The following AHCY variants were observed in gnomAD, a reference collection of about 807,000 sequenced individuals.
The protein encoded by AHCY is adenosylhomocysteinase.
Under a neutral mutation model 45.4 loss-of-function variants are expected in AHCY, and 24 were observed. The observed-to-expected ratio is 0.53, with a 90% CI of 0.38 to 0.74. The LOEUF is 0.74. Ranked by LOEUF, AHCY falls within the 30% of genes least tolerant of loss-of-function variation. The probability of loss-of-function intolerance (pLI) is 0.00; values close to 1 mark genes in which losing one functional copy is unlikely to be tolerated. For synonymous variants in AHCY, 245 were observed against 235.1 expected, an observed-to-expected ratio of 1.04 and a Z score of -0.39; for missense variants, 449 against 594.1, an observed-to-expected ratio of 0.76 and a Z score of 2.54.
downstream of AHCY, among the ~76,000 whole-genome samples, chr20:34,276,287 G>A (rs1410881702): frequency 6.6e-6 from 1 of 152,128 alleles, no homozygotes; most frequent in South Asian, 2.1e-4. Flanking sequence ...CCCTCCAGGT[G>A]TTTCTGAGGT....
At chr20:34,299,754 C>A (rs2036708064) in intron 1 of AHCY, among the ~76,000 whole-genome samples, 1 of 152,234 alleles carries the variant, frequency 6.6e-6, no homozygotes, top group Non-Finnish European at 1.5e-5. Flanking sequence ...AATGAAACCA[C>A]CATTCAACCA....
chr20:34,305,627 GA>G (rs2036888021), upstream of AHCY, among the ~76,000 whole-genome samples: 1 of 152,136 alleles, frequency 6.6e-6, no homozygotes, highest in South Asian at 2.1e-4. Context: ...TTCCTGCAAA[GA>G]AATGGCAAGT....
the AHCY span, chr20:34,269,083 C>G: frequency 6.3e-7 from 1 of 1,581,472 alleles, no homozygotes; most frequent in Non-Finnish European, 8.6e-7. Context: ...CGCCGGCACC[C>G]GCCTGCTGCG....
the AHCY span, chr20:34,234,790 G>C: frequency 2.0e-5 from 3 of 152,330 alleles, no homozygotes; most frequent in Admixed American, 6.5e-5. Context: ...CTCCAGCCTG[G>C]GTGACAGAGC....
At chr20:34,294,777 G>A (rs2036517395) in intron 2 of AHCY, among the ~76,000 whole-genome samples, 1 of 152,156 alleles carries the variant, frequency 6.6e-6, no homozygotes, top group African/African-American at 2.4e-5. Context: ...TTGAGTTCCA[G>A]GAGAAGTCCA....
the AHCY span, chr20:34,268,973 C>A: frequency 5.7e-6 from 9 of 1,590,510 alleles, no homozygotes; most frequent in South Asian, 1.0e-4. Flanking sequence ...TCATAAAGCC[C>A]CGGCGTTTCC....
At chr20:34,295,872 CAT>C (rs2036563504) in intron 1 of AHCY, among the ~76,000 whole-genome samples, 1 of 152,160 alleles carries the variant, frequency 6.6e-6, no homozygotes, top group African/African-American at 2.4e-5. Flanking sequence ...AAATAGCTCA[CAT>C]GATACTTCCC....
At chr20:34,289,008 TTA>T (rs2036278973) in intron 8 of AHCY, among the ~76,000 whole-genome samples, 1 of 152,186 alleles carries the variant, frequency 6.6e-6, no homozygotes, top group Non-Finnish European at 1.5e-5. Flanking sequence ...TTTTTTGTTT[TTA>T]GTTTTGTTTT....
chr20:34,299,797 C>T, intron 1 of AHCY, among the ~76,000 whole-genome samples: 1 of 152,204 alleles, frequency 6.6e-6, no homozygotes, highest in Non-Finnish European at 1.5e-5. Flanking sequence ...GATTTGATTC[C>T]TCTTTTCCTC....
chr20:34,310,852 G>C (rs577730872), intron 1 of AHCY, among the ~76,000 whole-genome samples: 2 of 151,740 alleles, frequency 1.3e-5, no homozygotes, highest in African/African-American at 4.8e-5. Flanking sequence ...ACAGTCGGGC[G>C]TGGTGGCTCA....
chr20:34,274,794 TTTAAA>T, the AHCY span, among the ~76,000 whole-genome samples: 3 of 151,642 alleles, frequency 2.0e-5, no homozygotes, highest in African/African-American at 7.3e-5. Context: ...AAAAAAAAAT[TTTAAA>T]TTAAATTAGC....
chr20:34,260,685 G>A, the AHCY span: 1 of 945,820 alleles, frequency 1.1e-6, no homozygotes, highest in South Asian at 2.2e-5. Flanking sequence ...GGTGGCCCTT[G>A]ACTCATTTGG....
upstream of AHCY, among the ~76,000 whole-genome samples, chr20:34,304,889 T>C (rs1387837057): frequency 6.6e-6 from 1 of 151,768 alleles, no homozygotes; most frequent in Non-Finnish European, 1.5e-5. Context: ...GGTTTCTCCA[T>C]ATTGGTCAGG....
chr20:34,302,996 G>T (rs920653272), intron 1 of AHCY: 1 of 985,338 alleles, frequency 1.0e-6, no homozygotes, highest in African/African-American at 1.7e-5. Context: ...TTTGCGGCTC[G>T]CAGACCGCGC....
At chr20:34,257,872 G>C in the AHCY span, among the ~76,000 whole-genome samples, 1 of 152,096 alleles carries the variant, frequency 6.6e-6, no homozygotes, top group African/African-American at 2.4e-5. Context: ...GGCTGGGTGC[G>C]GTGGCTCACA....
chr20:34,303,167 C>T, intron 1 of AHCY, 76 bp downstream of exon 1: 4 of 1,546,146 alleles, frequency 2.6e-6, no homozygotes, highest in Non-Finnish European at 3.5e-6. Flanking sequence ...CCCGAGTCGG[C>T]CCTGCAGCCC....
the AHCY span, chr20:34,268,952 G>C: frequency 6.4e-7 from 1 of 1,565,056 alleles, no homozygotes; most frequent in Non-Finnish European, 8.7e-7. Context: ...GGAGGGGTGG[G>C]CGTGGCCGGC....
the AHCY span, among the ~76,000 whole-genome samples, chr20:34,251,147 A>G: frequency 6.6e-6 from 1 of 152,166 alleles, no homozygotes; most frequent in Non-Finnish European, 1.5e-5. Context: ...GCTTGTACAA[A>G]CTTTCCATGA....
At chr20:34,301,221 G>A (rs1476185347) in intron 1 of AHCY, among the ~76,000 whole-genome samples, 1 of 152,148 alleles carries the variant, frequency 6.6e-6, no homozygotes, top group Non-Finnish European at 1.5e-5. Flanking sequence ...CCCCTCTCAA[G>A]GCCCCTCCTG....
Sources: allele counts gnomAD v4.1 joint callset (sites outside exome capture counted in the v4.1 genomes callset), GRCh38; gene constraint gnomAD v4.1.1; transcripts MANE v1.5; gene names NCBI Gene and HGNC (gene_info 2026-07-23, HGNC 2026-07-21).